The following FNBP1 variants were observed in gnomAD, a reference collection of about 807,000 sequenced individuals.
FNBP1 encodes the protein formin binding protein 1.
FNBP1 carries 26 observed loss-of-function variants against 90.6 expected under a neutral mutation model. The ratio of observed to expected loss-of-function variants is 0.29; its 90% confidence interval spans 0.21 to 0.40. The LOEUF (loss-of-function observed/expected upper bound fraction) is 0.40. Among genes scored for constraint, FNBP1 ranks in the 10% least tolerant of loss-of-function variants. The probability of loss-of-function intolerance (pLI) is 1.00; values close to 1 mark genes in which losing one functional copy is unlikely to be tolerated. For synonymous variants in FNBP1, 260 were observed against 265.2 expected (o/e 0.98, Z 0.19); for missense variants, 635 against 768.0 (o/e 0.83, Z 2.05).
At chr9:130,053,782 G>A in the FNBP1 span, 1 of 715,856 alleles carries the variant, frequency 1.4e-6, no homozygotes, top group South Asian at 1.8e-5. Flanking sequence ...CAGGCTCCTC[G>A]ACGACTTCCT....
At chr9:129,946,388 C>T (rs1389523253) in intron 6 of FNBP1, among the ~76,000 whole-genome samples, 1 of 152,140 alleles carries the variant, frequency 6.6e-6, no homozygotes, top group African/African-American at 2.4e-5. Context: ...ATACACTGTT[C>T]AGTGCTCATG....
At chr9:129,933,821 G>A (rs985586572) in intron 6 of FNBP1, among the ~76,000 whole-genome samples, 3 of 152,068 alleles carry the variant, frequency 2.0e-5, no homozygotes, top group Admixed American at 6.5e-5. Flanking sequence ...CTCCAAAGCC[G>A]CAGCAAAAAG....
intron 6 of FNBP1, among the ~76,000 whole-genome samples, chr9:129,946,098 G>A (rs2045246794): frequency 6.6e-6 from 1 of 152,124 alleles, no homozygotes; most frequent in Non-Finnish European, 1.5e-5. Flanking sequence ...GAACCCAGGA[G>A]GTGGAAGTTG....
chr9:129,978,369 A>C lies in FNBP1; in HGVS notation c.345+96T>G, dbSNP rs1589029574. 4.8e-6 allele frequency: 5 copies of C among 1,041,030 alleles called. No individual in the cohort carries two copies. In the East Asian group the frequency reaches 1.3e-4, roughly 27 times the overall value. 64.5% of individuals were successfully genotyped at this position (1,041,030 alleles called of 1,614,324 possible). On this transcript the variant is annotated intron_variant, in intron 4 of 16. Coordinates refer to ENST00000446176, the MANE Select transcript of FNBP1 (RefSeq NM_015033.3). ...TCAAAGGTATGAGTTTAAGACCCAT[A>C]GTCTTATATGGTTTTATTTAATTTT...
intron 12 of FNBP1, among the ~76,000 whole-genome samples, chr9:129,904,326 G>A (rs991876814): frequency 2.0e-5 from 3 of 152,150 alleles, no homozygotes; most frequent in African/African-American, 4.8e-5. Flanking sequence ...ATGGTAGCCC[G>A]GGCAGGCATC....
chr9:129,968,049 TGAAAGG>T (rs1282620419), intron 4 of FNBP1, among the ~76,000 whole-genome samples: 1 of 150,228 alleles, frequency 6.7e-6, no homozygotes, highest in Non-Finnish European at 1.5e-5. Context: ...ACCACAGTGG[TGAAAGG>T]GCCCACTTTT....
chr9:130,050,891 A>C, the FNBP1 span, among the ~76,000 whole-genome samples: 1 of 120,998 alleles, frequency 8.3e-6, no homozygotes, highest in African/African-American at 2.9e-5. Context: ...AATTGGTGCA[A>C]TCATGCTCGC....
intron 12 of FNBP1, among the ~76,000 whole-genome samples, chr9:129,908,194 GTCTC>G (rs1205833114): frequency 2.9e-5 from 3 of 103,550 alleles, no homozygotes; most frequent in Non-Finnish European, 4.0e-5. Flanking sequence ...GCCAAGGCTG[GTCTC>G]TCTCTCTTTT....
the FNBP1 span, among the ~76,000 whole-genome samples, chr9:130,049,130 T>A: frequency 3.2e-4 from 49 of 151,804 alleles, no homozygotes; most frequent in Non-Finnish European, 5.4e-4. Flanking sequence ...GGCTCATGCC[T>A]GTAATCCCAA....
chr9:130,050,957 A>G, the FNBP1 span, among the ~76,000 whole-genome samples: 1 of 150,376 alleles, frequency 6.6e-6, no homozygotes, highest in African/African-American at 2.5e-5. Flanking sequence ...CTGGAGTGCA[A>G]TGGTACAATC....
At position 129,890,110 on chromosome 9, in the gene FNBP1, C is replaced by T. The variant is rs754946522; in HGVS notation, c.*429G>A. The T allele has an allele frequency of 3.8e-5, 11 of 292,234 alleles. No homozygotes were observed. The highest frequency in any genetic ancestry group is 1.1e-4 in the African/African-American group (5 of 46,766). 18.1% of individuals were successfully genotyped at this position (292,234 alleles called of 1,614,324 possible). A position where few individuals can be genotyped will look rare whatever the true frequency, so the allele number is the denominator to read the frequency against. ...CACGGATGACATCGAGTGCTCAGTC[C>T]GCCTGATGTGCGCTGGACCTGCCTT... On this transcript the variant is annotated 3_prime_UTR_variant, in exon 17 of 17. Transcript: ENST00000446176. The surrounding 1 kb of genome is among the most constrained non-coding windows in gnomAD (Gnocchi z 5.8).
At chr9:129,959,159 T>C (rs989789120) in intron 4 of FNBP1, among the ~76,000 whole-genome samples, 3 of 151,614 alleles carry the variant, frequency 2.0e-5, no homozygotes, top group Admixed American at 2.0e-4. Context: ...AGGCCAGGCA[T>C]GGTGGTGAGC....
chr9:129,952,887 T>A (rs2046388143), intron 6 of FNBP1, among the ~76,000 whole-genome samples: 1 of 152,220 alleles, frequency 6.6e-6, no homozygotes. Context: ...ATTAACTCAG[T>A]TAATATTCGC....
intron 1 of FNBP1, among the ~76,000 whole-genome samples, chr9:130,024,034 C>T (rs1923664): frequency 6.6e-6 from 1 of 152,014 alleles, no homozygotes; most frequent in Non-Finnish European, 1.5e-5. Context: ...TTACATTTGC[C>T]GTCATTTAAC....
At chr9:129,895,643 T>A in intron 16 of FNBP1, 195 bp downstream of exon 16, 1 of 1,242,434 alleles carries the variant, frequency 8.0e-7, no homozygotes, top group South Asian at 3.8e-5. Context: ...GAAACTTGAT[T>A]ACAGCCCAAA....
At position 129,892,794 on chromosome 9, in the gene FNBP1, T is replaced by G. The variant is rs116591073; in HGVS notation, c.1847-2248A>C. Among the ~76,000 whole-genome samples the G allele has an allele frequency of 7.8e-3, 1,186 of 152,310 alleles. 5 individuals are homozygous for G. The highest frequency in any genetic ancestry group is 0.027 in the African/African-American group (1,129 of 41,566). Reference sequence around the variant, plus strand: ...ATTTACAAAATATCTTTTAACTGTTTAGTCAATATTACAGAGATTCACCTG... The same window carrying G: ...ATTTACAAAATATCTTTTAACTGTTGAGTCAATATTACAGAGATTCACCTG... On this transcript the variant is annotated intron_variant, in intron 16 of 16. Coordinates refer to ENST00000446176, the MANE Select transcript of FNBP1 (RefSeq NM_015033.3).
intron 4 of FNBP1, among the ~76,000 whole-genome samples, chr9:129,969,134 T>A (rs1026730409): frequency 6.6e-6 from 1 of 152,226 alleles, no homozygotes; most frequent in Non-Finnish European, 1.5e-5. Context: ...GAGGAATATA[T>A]GTGTTATCAA....
rs1335987238 is a variant in FNBP1 at position 129,913,502 on chromosome 9, G to A, written c.1185+2464C>T. ...AAAATCAAACCTGGCCGGGCCTGGTGGCTCACGCATGTAATCCCAGCACTG... is the reference window on the plus strand; with the variant it reads ...AAAATCAAACCTGGCCGGGCCTGGTAGCTCACGCATGTAATCCCAGCACTG... On this transcript the variant is annotated intron_variant, in intron 11 of 16. Coordinates refer to ENST00000446176, the MANE Select transcript of FNBP1 (RefSeq NM_015033.3). 2.0e-5 allele frequency among the ~76,000 whole-genome samples: 3 copies of A among 152,078 alleles called. No individual in the cohort carries two copies. The East Asian group carries it at 5.8e-4, about 29-fold the overall frequency.
At chr9:129,919,951 C>A (rs1038021496) in intron 10 of FNBP1, among the ~76,000 whole-genome samples, 1 of 152,206 alleles carries the variant, frequency 6.6e-6, no homozygotes, top group Non-Finnish European at 1.5e-5. Context: ...AAAATGAAAT[C>A]TATTTCTCCA....
Sources: gnomAD v4.1 joint callset for allele counts (sites outside exome capture counted in the v4.1 genomes callset) on GRCh38, gnomAD v4.1.1 for gene constraint, Gnocchi (gnomAD v3.1) non-coding constraint, MANE v1.5 for transcripts, NCBI Gene and HGNC (gene_info 2026-07-23, HGNC 2026-07-21) for gene names.